The following PHF24 variants were observed in gnomAD, a reference collection of about 807,000 sequenced individuals.
PHF24 encodes Galpha inhibitory interacting protein.
In PHF24, 25 loss-of-function variants were observed where a neutral mutation model predicts 42.6. The observed-to-expected ratio is 0.59, with a 90% CI of 0.43 to 0.82. PHF24 has a LOEUF of 0.82. PHF24 is among the 40% of genes least tolerant of loss of function. The probability of loss-of-function intolerance (pLI) is 0.00; values close to 1 mark genes in which losing one functional copy is unlikely to be tolerated. For synonymous variants in PHF24, 185 were observed against 204.8 expected (o/e 0.90, Z 0.83); for missense variants, 470 against 538.1 (o/e 0.87, Z 1.25).
At chr9:34,832,613 C>G in the PHF24 span, 2 of 1,542,134 alleles carry the variant, frequency 1.3e-6, no homozygotes, top group Non-Finnish European at 1.8e-6. Context: ...AATCCTTGTG[C>G]CCTTTGCCTT....
the PHF24 span, chr9:34,918,245 C>T: frequency 6.7e-7 from 1 of 1,487,968 alleles, no homozygotes; most frequent in Non-Finnish European, 9.4e-7. Flanking sequence ...CCCTCATCCG[C>T]ACGTGTCTTC....
chr9:34,909,660 C>T, the PHF24 span, among the ~76,000 whole-genome samples: 4 of 149,544 alleles, frequency 2.7e-5, no homozygotes, highest in Non-Finnish European at 4.4e-5. Context: ...CTCGCTCTGT[C>T]GCCCAGGCTG....
the PHF24 span, among the ~76,000 whole-genome samples, chr9:34,851,530 A>G: frequency 1.3e-5 from 2 of 152,252 alleles, no homozygotes; most frequent in Admixed American, 1.3e-4. Flanking sequence ...TAGGAAAGGG[A>G]ACTCCCTGAC....
the PHF24 span, among the ~76,000 whole-genome samples, chr9:34,676,194 G>A: frequency 6.6e-6 from 1 of 152,204 alleles, no homozygotes; most frequent in Non-Finnish European, 1.5e-5. Context: ...TAGTAGCAGG[G>A]CTGAAGAAGT....
At chr9:34,669,201 A>G in the PHF24 span, among the ~76,000 whole-genome samples, 2 of 152,146 alleles carry the variant, frequency 1.3e-5, no homozygotes, top group Non-Finnish European at 2.9e-5. Flanking sequence ...CTGAGGCTGT[A>G]TCATGTCATG....
At chr9:34,707,917 A>T in the PHF24 span, among the ~76,000 whole-genome samples, 2 of 152,070 alleles carry the variant, frequency 1.3e-5, no homozygotes, top group African/African-American at 4.8e-5. Context: ...TTTTTAGTAG[A>T]GACGGGGTTT....
the PHF24 span, among the ~76,000 whole-genome samples, chr9:34,675,303 C>T: frequency 2.0e-5 from 3 of 152,134 alleles, no homozygotes; most frequent in Admixed American, 6.5e-5. Context: ...GTCTAGCATA[C>T]GGGGAAAATG....
the PHF24 span, chr9:34,729,320 A>C: frequency 6.4e-6 from 10 of 1,552,148 alleles, no homozygotes; most frequent in Non-Finnish European, 8.7e-6. Flanking sequence ...AACTCAATTC[A>C]TGGTGGCTCC....
chr9:34,978,736 G>C (rs1324285364), exon 8 of PHF24: 1 of 152,158 alleles, frequency 6.6e-6, no homozygotes, highest in East Asian at 1.9e-4. Context: ...CATCACCACT[G>C]AAATTCAGCC....
At chr9:34,834,557 A>G in the PHF24 span, 1 of 1,551,200 alleles carries the variant, frequency 6.4e-7, no homozygotes, top group Admixed American at 2.0e-5. Context: ...CGGGAAGAAG[A>G]GTAGTTCCCT....
At chr9:34,758,218 A>G in the PHF24 span, among the ~76,000 whole-genome samples, 1 of 152,156 alleles carries the variant, frequency 6.6e-6, no homozygotes, top group Admixed American at 6.5e-5. The surrounding 1 kb of genome is among the most constrained non-coding windows in gnomAD (Gnocchi z 4.4). Flanking sequence ...TCAGACCTTG[A>G]TAGCAGGCAT....
chr9:34,798,930 T>C, the PHF24 span, among the ~76,000 whole-genome samples: 1 of 152,130 alleles, frequency 6.6e-6, no homozygotes, highest in South Asian at 2.1e-4. Context: ...TCACTGTGGT[T>C]TAGATTTATA....
At chr9:34,978,184 A>C in exon 8 of PHF24, 2 of 1,153,750 alleles carry the variant, frequency 1.7e-6, no homozygotes, top group Non-Finnish European at 2.6e-6. Flanking sequence ...TCCCCCACCA[A>C]CCTCTGGCAC....
the PHF24 span, chr9:34,726,851 G>A: frequency 1.2e-5 from 18 of 1,551,820 alleles, no homozygotes; most frequent in Admixed American, 9.8e-5. Context: ...CAATGGCCCC[G>A]ATAAAGTCAG....
chr9:34,845,866 T>TG, the PHF24 span, among the ~76,000 whole-genome samples: 2 of 151,436 alleles, frequency 1.3e-5, no homozygotes, highest in African/African-American at 4.9e-5. Context: ...TTTTTGTTCT[T>TG]GCGATAGTTT....
At chr9:34,973,758 T>C (rs1220880190) in intron 3 of PHF24, among the ~76,000 whole-genome samples, 1 of 152,172 alleles carries the variant, frequency 6.6e-6, no homozygotes, top group Non-Finnish European at 1.5e-5. Context: ...GGCGACCTTC[T>C]CTAGTGCCTG....
chr9:34,825,122 C>T, the PHF24 span, among the ~76,000 whole-genome samples: 1 of 151,866 alleles, frequency 6.6e-6, no homozygotes, highest in Non-Finnish European at 1.5e-5. Context: ...TCATGGTTTC[C>T]CGAGGATAAC....
the PHF24 span, among the ~76,000 whole-genome samples, chr9:34,912,506 T>A: frequency 1.3e-5 from 2 of 152,142 alleles, no homozygotes; most frequent in Non-Finnish European, 2.9e-5. Context: ...AAGCTGTGTA[T>A]GTTCAGAACA....
chr9:34,768,340 CCTT>C, the PHF24 span, among the ~76,000 whole-genome samples: 4 of 152,160 alleles, frequency 2.6e-5, no homozygotes, highest in African/African-American at 7.2e-5. Flanking sequence ...AGACCAGAGT[CCTT>C]CTTTTCTGGA....
Sources: allele counts gnomAD v4.1 joint callset (sites outside exome capture counted in the v4.1 genomes callset), GRCh38; gene constraint gnomAD v4.1.1; non-coding constraint Gnocchi (gnomAD v3.1); transcripts MANE v1.5; gene names NCBI Gene and HGNC (gene_info 2026-07-23, HGNC 2026-07-21).